Variants in DLGAP2 observed in about 807,000 individuals in gnomAD.
DLGAP2 encodes the protein DLG associated protein 2.
DLGAP2 carries 26 observed loss-of-function variants against 100.3 expected under a neutral mutation model. The observed-to-expected ratio is 0.26, with a 90% CI of 0.19 to 0.36. DLGAP2 has a LOEUF of 0.36. Ranked by LOEUF, DLGAP2 falls within the 10% of genes least tolerant of loss-of-function variation. DLGAP2 has a pLI of 1.00. For missense variants in DLGAP2, 1,858 were observed against 1,453.2 expected (o/e 1.28, Z -4.53); for synonymous variants, 886 against 630.1 (o/e 1.41, Z -6.08).
rs1563117953 is a variant in DLGAP2 at position 965,612 on chromosome 8, G to GA, written c.73+57646_73+57647insA. ...TTCACCTCACACGGCTCCTGAGTCT[G>GA]GCCCCGCACTGCACACGGCACTGTT... is the stretch of plus-strand genomic sequence containing the variant. On this transcript the variant is annotated intron_variant, in intron 2 of 14. Coordinates refer to ENST00000637795, the MANE Select transcript of DLGAP2 (RefSeq NM_001346810.2). Among the ~76,000 whole-genome samples, 68 of 122,430 alleles carry GA rather than the reference G, an allele frequency of 5.6e-4. 1 individual carries two copies. The highest frequency in any genetic ancestry group is 8.0e-4 in the Non-Finnish European group (49 of 61,190). 80.3% of individuals were successfully genotyped at this position (122,430 alleles called of 152,430 possible). A position where few individuals can be genotyped will look rare whatever the true frequency, so the allele number is the denominator to read the frequency against.
At chr8:1,691,482 T>C (rs376640718) in intron 12 of DLGAP2, 53 bp from the exon 13 acceptor site, 2 of 1,490,918 alleles carry the variant, frequency 1.3e-6, no homozygotes, top group African/African-American at 2.8e-5. Context: ...TTTTGTGTAA[T>C]TGACCCAGTT....
chr8:1,296,933 G>A (rs1009204744), intron 3 of DLGAP2: 1 of 152,644 alleles, frequency 6.6e-6, no homozygotes, highest in Non-Finnish European at 1.5e-5. Context: ...GGGTGGGGTG[G>A]AGGTCATTCA....
intron 2 of DLGAP2, among the ~76,000 whole-genome samples, chr8:1,156,217 C>G (rs1183600564): frequency 1.3e-5 from 2 of 152,180 alleles, no homozygotes; most frequent in Admixed American, 1.3e-4. Context: ...CGGGAGCGGC[C>G]GCTTCAATGA....
At chr8:933,137 C>G (rs951043608) in intron 2 of DLGAP2, among the ~76,000 whole-genome samples, 1 of 152,264 alleles carries the variant, frequency 6.6e-6, no homozygotes, top group African/African-American at 2.4e-5. Context: ...TGTCTGTTCC[C>G]TTCAGAGAAG....
intron 3 of DLGAP2, among the ~76,000 whole-genome samples, chr8:1,442,914 T>G (rs2130075052): frequency 6.6e-6 from 1 of 152,248 alleles, no homozygotes; most frequent in East Asian, 1.9e-4. Context: ...ATGACATAAA[T>G]TTGCTTACAT....
intron 3 of DLGAP2, among the ~76,000 whole-genome samples, chr8:1,384,863 G>A (rs1796180368): frequency 4.4e-5 from 1 of 22,872 alleles, no homozygotes; most frequent in African/African-American, 1.7e-4. Context: ...CTGAGAACTT[G>A]GTGCACAGTT....
At chr8:1,516,102 T>G (rs1026700430) in intron 4 of DLGAP2, among the ~76,000 whole-genome samples, 4 of 150,724 alleles carry the variant, frequency 2.7e-5, no homozygotes, top group Non-Finnish European at 5.9e-5. Flanking sequence ...AATGAGTGAC[T>G]GAGTGAATGA....
chr8:1,304,346 C>T (rs73539520), intron 3 of DLGAP2, among the ~76,000 whole-genome samples: 3,535 of 152,308 alleles, frequency 0.023, 138 homozygotes, highest in African/African-American at 0.08. Flanking sequence ...TGTCTCACTC[C>T]GGAAGCCTTT....
At chr8:1,165,531 G>C (rs1796998781) in intron 2 of DLGAP2, among the ~76,000 whole-genome samples, 3 of 152,210 alleles carry the variant, frequency 2.0e-5, no homozygotes, top group Admixed American at 2.0e-4. Flanking sequence ...GATTTGCATG[G>C]CATGTGTTGC....
In DLGAP2 at chr8:1,165,244, A is replaced by G. The variant is rs577400312; in HGVS notation, c.74-93607A>G. ...GGGCGGGAGGAACAGAGGCAGAGGG[A>G]GAGGAAGACAGATGGAGAAGAAGGG... On this transcript the variant is annotated intron_variant, in intron 2 of 14. Coordinates refer to ENST00000637795, the MANE Select transcript of DLGAP2 (RefSeq NM_001346810.2). Among the ~76,000 whole-genome samples the G allele has an allele frequency of 1.2e-3, 175 of 151,364 alleles. 2 individuals are homozygous for G. Among genetic ancestry groups the G allele is most frequent in the African/African-American group, 4.1e-3 (169 of 41,094 alleles).
chr8:899,198 G>A (rs900808672), intron 1 of DLGAP2, among the ~76,000 whole-genome samples: 5 of 152,196 alleles, frequency 3.3e-5, no homozygotes, highest in Admixed American at 6.5e-5. Flanking sequence ...CCCATAGTGC[G>A]TTCCACATGG....
intron 6 of DLGAP2, among the ~76,000 whole-genome samples, chr8:1,584,630 C>A (rs932618688): frequency 6.6e-6 from 1 of 152,164 alleles, no homozygotes; most frequent in Non-Finnish European, 1.5e-5. Context: ...TCCCAGGTCC[C>A]TGACGATGTC....
In DLGAP2 at chr8:1,132,812, A is replaced by T. The variant is rs530952233; in HGVS notation, c.74-126039A>T. ...ATTGGTTTAAGCTTAGAAGGGCAGG[A>T]CGCCCAGTCGCTGGGGCTCATGGAT... On this transcript the variant is annotated intron_variant, in intron 2 of 14. Transcript: ENST00000637795. Among the ~76,000 whole-genome samples the T allele has an allele frequency of 4.6e-4, 70 of 152,354 alleles. 1 individual carries two copies. The highest frequency in any genetic ancestry group is 1.7e-3 in the African/African-American group (70 of 41,584).
At chr8:1,059,758 C>G (rs2129034815) in intron 2 of DLGAP2, among the ~76,000 whole-genome samples, 1 of 152,268 alleles carries the variant, frequency 6.6e-6, no homozygotes, top group South Asian at 2.1e-4. Flanking sequence ...AATTCCACGT[C>G]TGTGCAGGCG....
chr8:1,561,420 A>G (rs4876092), intron 5 of DLGAP2, among the ~76,000 whole-genome samples: 54,704 of 151,948 alleles, frequency 0.36, 10,424 homozygotes, highest in East Asian at 0.51. Flanking sequence ...AGAGCACCAC[A>G]GACACCGCCT....
At chr8:1,505,035 G>T (rs572609840) in intron 4 of DLGAP2, among the ~76,000 whole-genome samples, 1 of 152,184 alleles carries the variant, frequency 6.6e-6, no homozygotes, top group Non-Finnish European at 1.5e-5. Flanking sequence ...GAAAGAGGGA[G>T]GGAAGGATAT....
chr8:776,192 T>G (rs1358330529), intron 1 of DLGAP2, among the ~76,000 whole-genome samples: 1 of 151,370 alleles, frequency 6.6e-6, no homozygotes, highest in Non-Finnish European at 1.5e-5. Flanking sequence ...GGATTGGTGG[T>G]GATATCCCCT....
chr8:841,785 T>C (rs1796988301), intron 1 of DLGAP2, among the ~76,000 whole-genome samples: 2 of 152,208 alleles, frequency 1.3e-5, no homozygotes, highest in Admixed American at 6.5e-5. Flanking sequence ...CATGAATTAA[T>C]ACTGATACTT....
At chr8:905,935 A>T (rs2128998411) in intron 1 of DLGAP2, among the ~76,000 whole-genome samples, 1 of 152,322 alleles carries the variant, frequency 6.6e-6, no homozygotes, top group East Asian at 1.9e-4. Context: ...AGCGATGGTG[A>T]TAGAGTCCCA....
Sources: gnomAD v4.1 joint callset for allele counts (sites outside exome capture counted in the v4.1 genomes callset) on GRCh38, gnomAD v4.1.1 for gene constraint, MANE v1.5 for transcripts, NCBI Gene and HGNC (gene_info 2026-07-23, HGNC 2026-07-21) for gene names.